Variants in UNC79 observed in about 807,000 individuals in gnomAD.
UNC79 encodes the protein protein unc-79 homolog.
In UNC79, 37 loss-of-function variants were observed where a neutral mutation model predicts 283.1. The observed-to-expected ratio is 0.13, with a 90% CI of 0.10 to 0.17. The LOEUF (loss-of-function observed/expected upper bound fraction) is 0.17. Ranked by LOEUF, UNC79 falls within the 10% of genes least tolerant of loss-of-function variation. The pLI is 1.00. For missense variants in UNC79, 2,272 were observed against 3,211.1 expected, an observed-to-expected ratio of 0.71 and a Z score of 7.07; for synonymous variants, 1,107 against 1,200.2, an observed-to-expected ratio of 0.92 and a Z score of 1.61.
intron 27 of UNC79, among the ~76,000 whole-genome samples, chr14:93,613,871 G>T (rs915204591): frequency 8.5e-5 from 13 of 152,140 alleles, no homozygotes; most frequent in Admixed American, 7.2e-4. Context: ...TTAGAAGGAG[G>T]TTCTAATATT....
At position 93,575,123 on chromosome 14, in the gene UNC79, T is replaced by G. The variant is rs778248520; in HGVS notation, c.2136T>G (p.Val712=). 4 of 1,614,066 alleles carry G rather than the reference T, an allele frequency of 2.5e-6. No individual in the cohort carries two copies. In the Middle Eastern group the frequency reaches 4.9e-4, roughly 200 times the overall value. ...TAATAAGTATGTTTTCTGATGGAGT[T>G]AATTCAGTCAAAGAGCTGGCAAATC... The change falls in exon 17 of 49, where the codon GTT becomes GTG. Residue 712 remains valine (V), a synonymous_variant. Transcript: ENST00000555664.
At chr14:93,489,422 G>A (rs533942862) in intron 5 of UNC79, among the ~76,000 whole-genome samples, 2 of 152,280 alleles carry the variant, frequency 1.3e-5, no homozygotes, top group African/African-American at 4.8e-5. Flanking sequence ...TCAGATATGG[G>A]TGAGGCAATT....
intron 1 of UNC79, among the ~76,000 whole-genome samples, chr14:93,334,091 C>G (rs77294271): frequency 5.3e-5 from 8 of 152,230 alleles, no homozygotes; most frequent in African/African-American, 1.9e-4. Context: ...GAAACCACCT[C>G]TAAGCTTCAA....
chr14:93,598,512 AT>A (rs992205238), intron 24 of UNC79, among the ~76,000 whole-genome samples: 2 of 151,728 alleles, frequency 1.3e-5, no homozygotes, highest in Non-Finnish European at 1.5e-5. Context: ...AATCAGATAA[AT>A]TATAGTTTTT....
At chr14:93,444,153 C>T (rs995494424) in intron 1 of UNC79, among the ~76,000 whole-genome samples, 2 of 152,228 alleles carry the variant, frequency 1.3e-5, no homozygotes, top group South Asian at 4.1e-4. Context: ...AGTTGGTGTG[C>T]AGTGGTATCT....
At chr14:93,508,724 G>T (rs1239076798) in intron 7 of UNC79, among the ~76,000 whole-genome samples, 1 of 151,950 alleles carries the variant, frequency 6.6e-6, no homozygotes, top group African/African-American at 2.4e-5. Flanking sequence ...TTAACATATT[G>T]ATCTTTTATC....
At chr14:93,399,534 A>G (rs183832899) in intron 1 of UNC79, among the ~76,000 whole-genome samples, 2 of 152,184 alleles carry the variant, frequency 1.3e-5, no homozygotes, top group East Asian at 1.9e-4. Flanking sequence ...TTCTTCCCAT[A>G]CTATTTTTGA....
chr14:93,621,548 A>C lies in UNC79; in HGVS notation c.4388-73A>C. The C allele has an allele frequency of 6.9e-7, 1 of 1,450,610 alleles. No homozygotes were observed. The highest frequency in any genetic ancestry group is 2.5e-5 in the Admixed American group (1 of 40,246). The allele number at this position is 1,450,610 out of a possible 1,614,324, so 89.9% of individuals were successfully genotyped here. On this transcript the variant is annotated intron_variant, in intron 29 of 48. Coordinates refer to ENST00000555664, the Ensembl canonical transcript of UNC79. The surrounding 1 kb of genome is among the most constrained non-coding windows in gnomAD (Gnocchi z 4.8). ...TGTGATGATGATTTATGCCAATTGT[A>C]TGCCCAAGGATGAGGGGAAAAAATG...
At chr14:93,538,210 C>T (rs201855970) in exon 12 of UNC79, 90 of 1,593,410 alleles carry the variant, frequency 5.6e-5, no homozygotes, top group East Asian at 2.2e-5. Flanking sequence ...CCGTGGAAGC[C>T]GTGATCAGGT....
chr14:93,688,536 A>G lies in UNC79; in HGVS notation c.6910-129A>G. On this transcript the variant is annotated intron_variant, in intron 43 of 48. Coordinates refer to ENST00000555664, the Ensembl canonical transcript of UNC79. The surrounding 1 kb of genome is among the most constrained non-coding windows in gnomAD (Gnocchi z 4.0). ...AAGAACAATGGGAAGGCTCTGAAGA[A>G]GTTTAAGCAGGTTGTTTGCTCAGAG... 1 of 991,194 alleles carries G rather than the reference A, an allele frequency of 1.0e-6. No individual in the cohort carries two copies. Among genetic ancestry groups the G allele is most frequent in the Non-Finnish European group, 1.5e-6 (1 of 681,238 alleles). The allele number at this position is 991,194 out of a possible 1,614,324, so 61.4% of individuals were successfully genotyped here. A position where few individuals can be genotyped will look rare whatever the true frequency, so the allele number is the denominator to read the frequency against.
intron 42 of UNC79, among the ~76,000 whole-genome samples, chr14:93,682,962 G>A (rs1383149223): frequency 6.6e-6 from 1 of 152,186 alleles, no homozygotes; most frequent in African/African-American, 2.4e-5. Context: ...CTGTGAAAAT[G>A]TTATCTATTA....
intron 11 of UNC79, among the ~76,000 whole-genome samples, chr14:93,535,079 A>T (rs930178661): frequency 1.3e-5 from 2 of 152,192 alleles, no homozygotes; most frequent in African/African-American, 4.8e-5. Context: ...GATTATTTCA[A>T]TTCTGTGATT....
intron 14 of UNC79, among the ~76,000 whole-genome samples, chr14:93,565,341 A>G (rs1358052406): frequency 2.0e-5 from 3 of 152,146 alleles, no homozygotes; most frequent in African/African-American, 7.2e-5. Flanking sequence ...GGACTCTTCA[A>G]GTATTTGACC....
chr14:93,437,097 A>G (rs761409424), intron 1 of UNC79, among the ~76,000 whole-genome samples: 26 of 152,168 alleles, frequency 1.7e-4, no homozygotes, highest in Non-Finnish European at 5.9e-5. Flanking sequence ...ATGCATGTGT[A>G]TATACATATA....
chr14:93,635,862 G>A (rs2068467608), intron 31 of UNC79, among the ~76,000 whole-genome samples: 1 of 152,184 alleles, frequency 6.6e-6, no homozygotes, highest in Admixed American at 6.5e-5. Context: ...GAGTTCACTG[G>A]GTTTGAATGA....
In UNC79 at chr14:93,690,225, G is replaced by A; in HGVS notation, c.7194G>A (p.Leu2398=). 1.9e-6 allele frequency: 3 copies of A among 1,614,098 alleles called. No individual in the cohort carries two copies. The highest frequency in any genetic ancestry group is 2.5e-6 in the Non-Finnish European group (3 of 1,180,022). ...GCCCAAATGCCTCCTCTCCCTGCCT[G>A]CCCATTCCTCTGGATGCAGGCTCCC... The change falls in exon 45 of 49, where the codon CTG becomes CTA. Residue 2398 remains leucine, a synonymous_variant. Coordinates refer to ENST00000555664, the Ensembl canonical transcript of UNC79. The surrounding 1 kb of genome is among the most constrained non-coding windows in gnomAD (Gnocchi z 4.3).
chr14:93,566,208 T>C (rs1168806613), intron 14 of UNC79, among the ~76,000 whole-genome samples: 4 of 152,112 alleles, frequency 2.6e-5, no homozygotes, highest in East Asian at 1.9e-4. Flanking sequence ...TGGACCTGCA[T>C]TGGTTGCCGG....
chr14:93,381,951 A>T (rs2054674093), intron 1 of UNC79, among the ~76,000 whole-genome samples: 2 of 152,168 alleles, frequency 1.3e-5, no homozygotes, highest in African/African-American at 4.8e-5. Flanking sequence ...CTAGTAAGGG[A>T]GGAGGAATAG....
At position 93,603,809 on chromosome 14, in the gene UNC79, A is replaced by G. The variant is rs1163459633; in HGVS notation, c.3754+391A>G. ...AGACCTATCATGGCTAAGGAGGGAC[A>G]GTTGAAATTTGGAATGTATTTTTTT... On this transcript the variant is annotated intron_variant, in intron 26 of 48. Coordinates refer to ENST00000555664, the Ensembl canonical transcript of UNC79. Among the ~76,000 whole-genome samples, 4 of 152,192 alleles carry G rather than the reference A, an allele frequency of 2.6e-5. No homozygotes were observed. In the East Asian group the frequency reaches 7.7e-4, roughly 29 times the overall value.
Sources: gnomAD v4.1 joint callset for allele counts (sites outside exome capture counted in the v4.1 genomes callset) on GRCh38, gnomAD v4.1.1 for gene constraint, Gnocchi (gnomAD v3.1) non-coding constraint, MANE v1.5 for transcripts, NCBI Gene and HGNC (gene_info 2026-07-23, HGNC 2026-07-21) for gene names.